The following STK3 variants were observed in gnomAD, a reference collection of about 807,000 sequenced individuals.
STK3 encodes the protein serine/threonine kinase 3.
In STK3, 41 loss-of-function variants were observed where a neutral mutation model predicts 58.0. That is an observed-to-expected ratio of 0.71 (90% CI 0.55 to 0.92). The LOEUF is 0.92. Ranked by LOEUF, STK3 falls within the 40% of genes least tolerant of loss-of-function variation. The pLI, the probability that STK3 is intolerant of heterozygous loss-of-function variation, is 0.00. For synonymous variants in STK3, 170 were observed against 191.0 expected, an observed-to-expected ratio of 0.89 and a Z score of 0.91; for missense variants, 479 against 602.7, an observed-to-expected ratio of 0.79 and a Z score of 2.15.
intron 10 of STK3, among the ~76,000 whole-genome samples, chr8:98,493,634 T>C (rs985888511): frequency 2.0e-5 from 3 of 152,184 alleles, no homozygotes; most frequent in African/African-American, 7.2e-5. Context: ...CTCAGTCTAA[T>C]ATTATTCTCC....
chr8:98,741,957 A>G (rs1172421121), intron 4 of STK3, among the ~76,000 whole-genome samples: 1 of 152,210 alleles, frequency 6.6e-6, no homozygotes, highest in Non-Finnish European at 1.5e-5. Context: ...AAACACCTCT[A>G]CGCAAATAAA....
intron 6 of STK3, among the ~76,000 whole-genome samples, chr8:98,620,224 C>G (rs986112016): frequency 1.0e-5 from 1 of 98,362 alleles, no homozygotes. Flanking sequence ...GAACAAAAAA[C>G]CAAACACCGC....
chr8:98,518,341 A>G (rs1269162788), intron 10 of STK3, among the ~76,000 whole-genome samples: 2 of 152,096 alleles, frequency 1.3e-5, no homozygotes, highest in Non-Finnish European at 2.9e-5. Context: ...CCACCAAATA[A>G]AAATTTCAGA....
chr8:98,939,842 T>C (rs1840339231), intron 1 of STK3, among the ~76,000 whole-genome samples: 1 of 152,220 alleles, frequency 6.6e-6, no homozygotes, highest in African/African-American at 2.4e-5. Flanking sequence ...CCCTGGGCGG[T>C]TGGGGCCTTC....
rs74364609 is a variant in STK3 at position 98,382,749 on chromosome 8, G to A, written n.57-3542C>T. Among the ~76,000 whole-genome samples the A allele has an allele frequency of 8.5e-5, 13 of 152,230 alleles. No individual in the cohort carries two copies. The East Asian group carries it at 1.2e-3, about 14-fold the overall frequency. On this transcript the variant is annotated intron_variant and non_coding_transcript_variant, in intron 1 of 2. Coordinates refer to the STK3 transcript ENST00000518704. ...TCCTGCCTGCACCGTCCACTCCAGCGGCCACATGACTGAGGGGAAAAGGCA... is the reference window on the plus strand; with the variant it reads ...TCCTGCCTGCACCGTCCACTCCAGCAGCCACATGACTGAGGGGAAAAGGCA...
At chr8:98,453,562 T>A (rs1422569411), downstream of STK3, among the ~76,000 whole-genome samples, 1 of 152,210 alleles carries the variant, frequency 6.6e-6, no homozygotes, top group Admixed American at 6.5e-5. Flanking sequence ...CTTAAATATA[T>A]GTGTGTATTT....
intron 6 of STK3, among the ~76,000 whole-genome samples, chr8:98,677,982 A>G (rs1407716670): frequency 3.9e-5 from 6 of 152,348 alleles, no homozygotes; most frequent in African/African-American, 1.4e-4. Context: ...CAAGGTTAAG[A>G]AAACCACATT....
intron 2 of STK3, among the ~76,000 whole-genome samples, chr8:98,774,530 T>G (rs1831533444): frequency 6.6e-6 from 1 of 152,186 alleles, no homozygotes; most frequent in Admixed American, 6.5e-5. Context: ...TTCCCTTATA[T>G]ATATATATGG....
At chr8:98,840,628 T>C (rs111470124) in intron 3 of STK3, among the ~76,000 whole-genome samples, 4,208 of 113,102 alleles carry the variant, frequency 0.037, 105 homozygotes, top group African/African-American at 0.06. Context: ...TATATATATA[T>C]ACACACACAT....
chr8:98,695,429 T>C (rs1227819195), intron 6 of STK3, among the ~76,000 whole-genome samples: 2 of 152,228 alleles, frequency 1.3e-5, no homozygotes, highest in Admixed American at 6.5e-5. Context: ...CCCATGCCTA[T>C]GTCCTGAATG....
chr8:98,812,857 T>C (rs1169149721), intron 1 of STK3, among the ~76,000 whole-genome samples: 2 of 151,818 alleles, frequency 1.3e-5, no homozygotes, highest in African/African-American at 4.8e-5. Context: ...GGACACTGGG[T>C]GGGGAACATC....
intron 1 of STK3, among the ~76,000 whole-genome samples, chr8:98,936,217 C>G (rs775155727): frequency 2.0e-5 from 3 of 152,202 alleles, no homozygotes; most frequent in Non-Finnish European, 1.5e-5. Context: ...CATGCCTGGC[C>G]TGCATCCATG....
chr8:98,673,818 CA>C (rs1267838215), intron 6 of STK3, among the ~76,000 whole-genome samples: 1 of 151,732 alleles, frequency 6.6e-6, no homozygotes, highest in African/African-American at 2.4e-5. Context: ...TAACACCATC[CA>C]AAAAAATACT....
chr8:98,804,592 C>T (rs1833790725), intron 1 of STK3, among the ~76,000 whole-genome samples: 1 of 152,090 alleles, frequency 6.6e-6, no homozygotes, highest in Non-Finnish European at 1.5e-5. Context: ...TGGAAGTCTT[C>T]CCAAGAATTT....
At chr8:98,409,342 C>T (rs1022538325) in intron 3 of STK3, among the ~76,000 whole-genome samples, 6 of 152,244 alleles carry the variant, frequency 3.9e-5, no homozygotes, top group Non-Finnish European at 8.8e-5. Context: ...CTCCTTATAA[C>T]AGCAGCCCCT....
intron 7 of STK3, among the ~76,000 whole-genome samples, chr8:98,588,362 T>G (rs1814872017): frequency 6.6e-6 from 1 of 151,768 alleles, no homozygotes; most frequent in South Asian, 2.1e-4. Context: ...TTATGAAGCT[T>G]AGTTTGGCTG....
chr8:98,417,900 A>T (rs1465019828), intron 3 of STK3, among the ~76,000 whole-genome samples: 1 of 151,974 alleles, frequency 6.6e-6, no homozygotes, highest in Non-Finnish European at 1.5e-5. Flanking sequence ...GAGAGTTTTT[A>T]ATTTAATTTA....
chr8:98,436,426 T>C (rs188730050), intron 2 of STK3, among the ~76,000 whole-genome samples: 96 of 152,302 alleles, frequency 6.3e-4, no homozygotes, highest in African/African-American at 2.1e-3. Context: ...AATTTCCCAC[T>C]TCACTCCAAA....
intron 2 of STK3, among the ~76,000 whole-genome samples, chr8:98,768,479 T>C (rs1430141764): frequency 6.6e-6 from 1 of 152,200 alleles, no homozygotes; most frequent in Non-Finnish European, 1.5e-5. Flanking sequence ...TCCTCTCCTC[T>C]GTTTCTTTGG....
Sources: gnomAD v4.1 joint callset for allele counts (sites outside exome capture counted in the v4.1 genomes callset) on GRCh38, gnomAD v4.1.1 for gene constraint, MANE v1.5 for transcripts, NCBI Gene and HGNC (gene_info 2026-07-23, HGNC 2026-07-21) for gene names.